FTO: variants seen among roughly 807,000 people sequenced by gnomAD.
FTO encodes alpha-ketoglutarate-dependent dioxygenase FTO.
A neutral mutation model predicts 63.9 loss-of-function variants in FTO; 47 were observed. The ratio of observed to expected loss-of-function variants is 0.74; its 90% CI spans 0.58 to 0.94. The LOEUF is 0.94. Among genes scored for constraint, FTO ranks in the 40% least tolerant of loss-of-function variants. The pLI is 0.00. For synonymous variants in FTO, 207 were observed against 224.4 expected (o/e 0.92, Z 0.69); for missense variants, 562 against 618.1 (o/e 0.91, Z 0.96).
chr16:53,925,823 A>G (rs2082124715), intron 7 of FTO, among the ~76,000 whole-genome samples: 1 of 152,220 alleles, frequency 6.6e-6, no homozygotes, highest in Admixed American at 6.5e-5. Context: ...AATTAGGTGA[A>G]TTGCTGAGTT....
At chr16:53,795,449 T>TGTGTGTG (rs879656922) in intron 1 of FTO, among the ~76,000 whole-genome samples, 40 of 149,756 alleles carry the variant, frequency 2.7e-4, no homozygotes, top group African/African-American at 9.5e-4. Flanking sequence ...GCTAATACAT[T>TGTGTGTG]TGTGTGTGTG....
At chr16:53,931,360 G>A (rs1447123421) in intron 7 of FTO, among the ~76,000 whole-genome samples, 1 of 141,616 alleles carries the variant, frequency 7.1e-6, no homozygotes, top group Non-Finnish European at 1.5e-5. Context: ...AGGTTGGAGT[G>A]CAATGGCGCG....
intron 3 of FTO, among the ~76,000 whole-genome samples, chr16:53,841,740 T>A (rs540335232): frequency 1.3e-5 from 2 of 152,348 alleles, no homozygotes; most frequent in East Asian, 3.9e-4. Context: ...ATGCATGTAT[T>A]TTTTAAATTG....
At chr16:53,986,308 A>G (rs1362768787) in intron 8 of FTO, among the ~76,000 whole-genome samples, 1 of 152,192 alleles carries the variant, frequency 6.6e-6, no homozygotes. Context: ...TGGGTTAAAC[A>G]GGTTCGAGTT....
At chr16:53,718,979 C>A (rs1168709403) in intron 1 of FTO, among the ~76,000 whole-genome samples, 1 of 152,114 alleles carries the variant, frequency 6.6e-6, no homozygotes, top group Non-Finnish European at 1.5e-5. Context: ...ACATGTTGAA[C>A]ATAATTCAAG....
chr16:53,844,230 T>A lies in FTO; in HGVS notation c.827T>A (p.Ile276Asn). The A allele has an allele frequency of 6.2e-7, 1 of 1,613,480 alleles. No individual in the cohort carries two copies. Among genetic ancestry groups the A allele is most frequent in the South Asian group, 1.1e-5 (1 of 91,064 alleles). Residue 276 changes from isoleucine to asparagine, a missense_variant, in exon 4 of 9, where the codon ATC (isoleucine) becomes AAC (asparagine). Coordinates refer to ENST00000471389, the MANE Select transcript of FTO (RefSeq NM_001080432.3). ...DPDIWHVGFKISWDIETPGLA... is the reference protein window; with the variant it reads ...DPDIWHVGFKNSWDIETPGLA... The stretch of plus-strand genomic sequence containing the variant: ...GATATTTGGCATGTTGGTTTTAAGA[T>A]CTCATGGGACATAGAGACACCTGGT...
intron 7 of FTO, among the ~76,000 whole-genome samples, chr16:53,898,384 A>T (rs1199923986): frequency 6.6e-6 from 1 of 152,024 alleles, no homozygotes; most frequent in Admixed American, 6.6e-5. Context: ...TCTTGGAGAG[A>T]GTTGCTCTGA....
chr16:53,959,457 C>T (rs574029435), intron 8 of FTO, among the ~76,000 whole-genome samples: 1 of 152,234 alleles, frequency 6.6e-6, no homozygotes, highest in East Asian at 1.9e-4. Flanking sequence ...CATCCTGTTA[C>T]TGATGTAAGC....
At chr16:53,830,700 C>G (rs1207285932) in intron 3 of FTO, among the ~76,000 whole-genome samples, 1 of 152,116 alleles carries the variant, frequency 6.6e-6, no homozygotes, top group Non-Finnish European at 1.5e-5. Flanking sequence ...GAGTTCAAGA[C>G]CAGCCTGGCC....
At chr16:53,837,840 A>C (rs913794049) in intron 3 of FTO, among the ~76,000 whole-genome samples, 1 of 152,158 alleles carries the variant, frequency 6.6e-6, no homozygotes, top group Non-Finnish European at 1.5e-5. Context: ...CATTCTGAAA[A>C]CAGATCTGAC....
intron 8 of FTO, among the ~76,000 whole-genome samples, chr16:54,078,081 T>G (rs1286231652): frequency 2.6e-5 from 4 of 152,112 alleles, no homozygotes; most frequent in African/African-American, 9.7e-5. Context: ...CAGTCTGCTT[T>G]TTATTATCCC....
intron 1 of FTO, among the ~76,000 whole-genome samples, chr16:53,749,331 C>G (rs2076724324): frequency 6.6e-6 from 1 of 152,082 alleles, no homozygotes. Flanking sequence ...CCTGATTGCT[C>G]TGGCAATACT....
intron 6 of FTO, among the ~76,000 whole-genome samples, chr16:53,880,937 TAAAAAAAAAAA>T (rs34062544): frequency 1.5e-5 from 1 of 67,682 alleles, no homozygotes; most frequent in Non-Finnish European, 2.7e-5. Flanking sequence ...CCGTCTCTAC[TAAAAAAAAAAA>T]AAAAAAAAAA....
In FTO at chr16:53,757,566, A is replaced by G. The variant is rs183200559; in HGVS notation, c.46-52574A>G. Among the ~76,000 whole-genome samples, 4 of 151,682 alleles carry G rather than the reference A, an allele frequency of 2.6e-5. No homozygotes were observed. The East Asian group carries it at 7.7e-4, about 29-fold the overall frequency. On this transcript the variant is annotated intron_variant, in intron 1 of 8. Transcript: ENST00000471389. ...GTGTATATATGAATACATAATACCT[A>G]TATTTATATATATAATATGTGCATA...
intron 1 of FTO, among the ~76,000 whole-genome samples, chr16:53,797,770 G>A (rs2078113334): frequency 6.6e-6 from 1 of 151,964 alleles, no homozygotes; most frequent in South Asian, 2.1e-4. Context: ...TTTCATGAGA[G>A]CAGTGTATAA....
chr16:53,830,607 G>A (rs950412615), intron 3 of FTO, among the ~76,000 whole-genome samples: 4 of 152,124 alleles, frequency 2.6e-5, no homozygotes, highest in African/African-American at 9.7e-5. Flanking sequence ...CCCACAAGGA[G>A]CCAGGAAGGC....
chr16:53,973,759 G>A (rs1456048138), intron 8 of FTO, among the ~76,000 whole-genome samples: 7 of 152,156 alleles, frequency 4.6e-5, no homozygotes, highest in African/African-American at 1.7e-4. Flanking sequence ...AGGGAACTTT[G>A]GGGCGAGTGT....
At chr16:53,705,120 T>G (rs919248694) in intron 1 of FTO, among the ~76,000 whole-genome samples, 6 of 152,096 alleles carry the variant, frequency 3.9e-5, no homozygotes, top group Admixed American at 6.5e-5. Context: ...CTCTACACCC[T>G]AACTTAACTC....
At chr16:53,716,284 T>G (rs976160745) in intron 1 of FTO, among the ~76,000 whole-genome samples, 2 of 152,192 alleles carry the variant, frequency 1.3e-5, no homozygotes, top group Admixed American at 6.5e-5. Flanking sequence ...CATCTTTGGA[T>G]ATGTATAGAG....
Sources: allele counts gnomAD v4.1 joint callset (sites outside exome capture counted in the v4.1 genomes callset), GRCh38; gene constraint gnomAD v4.1.1; transcripts MANE v1.5; gene names NCBI Gene and HGNC (gene_info 2026-07-23, HGNC 2026-07-21).